Variants in GOLGA8S observed in about 807,000 individuals in gnomAD.
The protein encoded by GOLGA8S is golgin subfamily A member 8S.
In GOLGA8S, 23 loss-of-function variants were observed where a neutral mutation model predicts 58.9. The ratio of observed to expected loss-of-function variants is 0.39; its 90% CI spans 0.28 to 0.55. The LOEUF is 0.55. Ranked by LOEUF, GOLGA8S falls within the 20% of genes least tolerant of loss-of-function variation. The pLI is 0.63. For synonymous variants in GOLGA8S, 84 were observed against 195.7 expected, an observed-to-expected ratio of 0.43 and a Z score of 4.76; for missense variants, 266 against 514.2, an observed-to-expected ratio of 0.52 and a Z score of 4.67.
chr15:23,356,232 G>A (rs186778826), intron 1 of GOLGA8S, among the ~76,000 whole-genome samples: 5 of 145,358 alleles, frequency 3.4e-5, no homozygotes, highest in South Asian at 2.2e-4. Flanking sequence ...ACTAACAGAC[G>A]TGTGAGGATG....
chr15:23,357,797 C>G (rs182845605), intron 4 of GOLGA8S, among the ~76,000 whole-genome samples, 178 bp downstream of exon 4: 8 of 149,044 alleles, frequency 5.4e-5, no homozygotes, highest in Non-Finnish European at 1.0e-4. Context: ...TTTTTTGCTG[C>G]CCTGTTTGCT....
downstream of GOLGA8S, chr15:23,365,613 C>A (rs1457476184): frequency 7.4e-6 from 2 of 270,886 alleles, no homozygotes; most frequent in Non-Finnish European, 1.4e-5. Context: ...TGTAGTTTGC[C>A]CCCAAGCGTG....
At chr15:23,366,089 C>T (rs1308664544), downstream of GOLGA8S, 1 of 151,178 alleles carries the variant, frequency 6.6e-6, no homozygotes, top group African/African-American at 2.4e-5. Context: ...GACTACATGT[C>T]CCAGTACACA....
exon 11 of GOLGA8S, chr15:23,360,799 A>T (rs1256525005): frequency 6.9e-7 from 1 of 1,440,804 alleles, no homozygotes; most frequent in South Asian, 1.2e-5. Context: ...GCTTGTCCAA[A>T]CTCAAAAACC....
At chr15:23,366,603 G>C (rs1596020857), downstream of GOLGA8S, 1 of 152,228 alleles carries the variant, frequency 6.6e-6, no homozygotes, top group African/African-American at 2.4e-5. Context: ...TTTTCTCACA[G>C]ACTTCTTTAC....
chr15:23,363,156 GC>G lies in GOLGA8S; in HGVS notation c.1180-5del. ...CTCTGTGCCTTCTCACTCTTTCCTG[GC>G]CCCTTAGGAGCGTCTGGAAGCTGCC... On this transcript the variant is annotated splice_region_variant and splice_polypyrimidine_tract_variant and intron_variant, in intron 13 of 18. Coordinates refer to ENST00000562295, the Ensembl canonical transcript of GOLGA8S. The G allele has an allele frequency of 1.1e-6, 1 of 947,824 alleles. No individual in the cohort carries two copies. 58.7% of individuals were successfully genotyped at this position (947,824 alleles called of 1,614,324 possible).
downstream of GOLGA8S, chr15:23,365,616 C>A (rs1047190407): frequency 4.6e-5 from 12 of 263,604 alleles, no homozygotes; most frequent in Admixed American, 2.1e-4. Flanking sequence ...AGTTTGCCCC[C>A]AAGCGTGCAC....
intron 1 of GOLGA8S, among the ~76,000 whole-genome samples, chr15:23,356,188 T>G (rs1377132591): frequency 6.9e-6 from 1 of 144,474 alleles, no homozygotes; most frequent in Non-Finnish European, 1.6e-5. Flanking sequence ...CACATTGATA[T>G]AAGAGTTTGA....
chr15:23,359,382 G>A (rs899509268), intron 8 of GOLGA8S, among the ~76,000 whole-genome samples, 173 bp downstream of exon 8: 1 of 145,762 alleles, frequency 6.9e-6, no homozygotes, highest in African/African-American at 2.6e-5. Context: ...CAGCTGCTGT[G>A]GGTGAGTTGG....
chr15:23,357,904 G>A (rs1302269311), intron 4 of GOLGA8S, among the ~76,000 whole-genome samples: 3 of 149,944 alleles, frequency 2.0e-5, no homozygotes, highest in Non-Finnish European at 4.5e-5. Context: ...TGGTTGTCAG[G>A]GTCCCTGTAT....
downstream of GOLGA8S, chr15:23,366,543 G>A (rs3878851): frequency 3.9e-5 from 6 of 152,052 alleles, no homozygotes; most frequent in Non-Finnish European, 8.8e-5. Flanking sequence ...TACTGTTCGT[G>A]AATGTCAATG....
intron 10 of GOLGA8S, 29 bp downstream of exon 10, chr15:23,360,561 A>T: frequency 1.2e-6 from 1 of 802,040 alleles, no homozygotes; most frequent in Non-Finnish European, 2.2e-6. Flanking sequence ...GCCCCCCCAC[A>T]TTAGATAGGT....
intron 4 of GOLGA8S, 138 bp from the exon 5 acceptor site, chr15:23,358,334 T>C: frequency 1.5e-6 from 1 of 654,570 alleles, no homozygotes; most frequent in Admixed American, 2.4e-5. Context: ...TTGAGGAGAG[T>C]TTACCAGTTC....
At chr15:23,359,775 G>A (rs1048520048) in intron 8 of GOLGA8S, among the ~76,000 whole-genome samples, 1 of 141,828 alleles carries the variant, frequency 7.1e-6, no homozygotes, top group African/African-American at 2.7e-5. Context: ...CAAGAAAAAT[G>A]GGCTTAGAGA....
chr15:23,364,767 A>G, exon 18 of GOLGA8S: 1 of 1,515,958 alleles, frequency 6.6e-7, no homozygotes, highest in South Asian at 1.2e-5. Flanking sequence ...TACAGCAACT[A>G]CAACAATGGG....
In GOLGA8S at chr15:23,363,552, G is replaced by T; in HGVS notation, c.1256-126G>T. The stretch of plus-strand genomic sequence containing the variant: ...TTCAAAGTAAAAATAAATAACAGCA[G>T]CTCATTCCTCTCTGGGGAGGGGCTG... On this transcript the variant is annotated intron_variant, in intron 14 of 18. Coordinates refer to ENST00000562295, the Ensembl canonical transcript of GOLGA8S. The T allele has an allele frequency of 6.4e-6, 2 of 312,066 alleles. 1 individual carries two copies. The highest frequency in any genetic ancestry group is 1.1e-5 in the Non-Finnish European group (2 of 178,726). The allele number at this position is 312,066 out of a possible 1,614,324, so 19.3% of individuals were successfully genotyped here. A position where few individuals can be genotyped will look rare whatever the true frequency, so the allele number is the denominator to read the frequency against.
At chr15:23,356,282 A>G (rs1194843584) in intron 1 of GOLGA8S, among the ~76,000 whole-genome samples, 1 of 144,562 alleles carries the variant, frequency 6.9e-6, no homozygotes, top group Non-Finnish European at 1.6e-5. Flanking sequence ...TGCCTACTTA[A>G]TGTTTACTTT....
chr15:23,368,393 C>G (rs1192645036), downstream of GOLGA8S, among the ~76,000 whole-genome samples: 2 of 151,826 alleles, frequency 1.3e-5, no homozygotes, highest in Middle Eastern at 3.4e-3. Flanking sequence ...TGATACTGTG[C>G]AAATGCTGGG....
chr15:23,361,111 G>C, intron 11 of GOLGA8S, 110 bp from the exon 12 acceptor site: 3 of 1,008,250 alleles, frequency 3.0e-6, no homozygotes, highest in Non-Finnish European at 4.3e-6. Context: ...AGCCGGAGAG[G>C]AGCTGTGCGC....
Sources: allele counts gnomAD v4.1 joint callset (sites outside exome capture counted in the v4.1 genomes callset), GRCh38; gene constraint gnomAD v4.1.1; transcripts MANE v1.5; gene names NCBI Gene and HGNC (gene_info 2026-07-23, HGNC 2026-07-21).